Variants in GPD2 observed in about 807,000 individuals in gnomAD.
GPD2 encodes the protein glycerol-3-phosphate dehydrogenase 2.
A neutral mutation model predicts 82.4 loss-of-function variants in GPD2; 54 were observed. The ratio of observed to expected loss-of-function variants is 0.66; its 90% CI spans 0.53 to 0.82. GPD2 has a LOEUF of 0.82. Among genes scored for constraint, GPD2 ranks in the 40% least tolerant of loss-of-function variants. The pLI is 0.00. For synonymous variants in GPD2, 288 were observed against 306.1 expected (o/e 0.94, Z 0.62); for missense variants, 748 against 896.2 (o/e 0.83, Z 2.11).
chr2:156,404,978 A>T, the GPD2 span, among the ~76,000 whole-genome samples: 1 of 152,322 alleles, frequency 6.6e-6, no homozygotes, highest in South Asian at 2.1e-4. Context: ...GAATAAGGTA[A>T]ACTCTGTTGC....
chr2:156,582,092 GT>G (rs1233898479), intron 16 of GPD2, among the ~76,000 whole-genome samples: 3 of 151,980 alleles, frequency 2.0e-5, no homozygotes, highest in Non-Finnish European at 4.4e-5. Context: ...AGAGCAAATA[GT>G]TGAAACCACA....
At chr2:156,409,033 T>C in the GPD2 span, among the ~76,000 whole-genome samples, 16 of 152,252 alleles carry the variant, frequency 1.1e-4, 1 homozygote, top group South Asian at 3.1e-3. Context: ...CATCTGAAGA[T>C]GAAGGCCGTG....
chr2:156,423,909 T>C, the GPD2 span, among the ~76,000 whole-genome samples: 1 of 152,110 alleles, frequency 6.6e-6, no homozygotes, highest in African/African-American at 2.4e-5. Flanking sequence ...CGCTTTCCTA[T>C]CTCCCCAGTG....
chr2:156,467,082 T>C (rs1456084016), intron 1 of GPD2, among the ~76,000 whole-genome samples: 1 of 152,222 alleles, frequency 6.6e-6, no homozygotes, highest in African/African-American at 2.4e-5. Context: ...TTTCTTTCGC[T>C]TTCTCTTTGT....
At chr2:156,424,216 A>G in the GPD2 span, among the ~76,000 whole-genome samples, 1 of 147,980 alleles carries the variant, frequency 6.8e-6, no homozygotes, top group Non-Finnish European at 1.5e-5. Context: ...AAAAAAAAAC[A>G]CTATAAACCT....
Position 156,586,314 on chromosome 2 carries a change from T to G in GPD2, c.*3396T>G, listed in dbSNP as rs1688212858. On this transcript the variant is annotated 3_prime_UTR_variant, in exon 17 of 17. Coordinates refer to ENST00000438166, the MANE Select transcript of GPD2 (RefSeq NM_000408.5). ...AATTTTATAAGACTGCCAGAATTAT[T>G]TGTATTAATTTGTTGCTGTAGCCTT... 1 of 152,198 alleles carries G rather than the reference T, an allele frequency of 6.6e-6. No homozygotes were observed. Among genetic ancestry groups the G allele is most frequent in the East Asian group, 1.9e-4 (1 of 5,180 alleles). 9.4% of individuals were successfully genotyped at this position (152,198 alleles called of 1,614,324 possible).
chr2:156,457,027 C>T (rs1682811140), intron 1 of GPD2, among the ~76,000 whole-genome samples: 1 of 152,044 alleles, frequency 6.6e-6, no homozygotes, highest in Non-Finnish European at 1.5e-5. Flanking sequence ...ATTAGGGTAT[C>T]ATTCTAGAAG....
intron 6 of GPD2, among the ~76,000 whole-genome samples, chr2:156,520,793 C>A (rs987559088): frequency 6.6e-6 from 1 of 151,878 alleles, no homozygotes; most frequent in Non-Finnish European, 1.5e-5. Context: ...ACCATGTTGC[C>A]CAGGGTGGTT....
chr2:156,530,826 G>C (rs1025300759), intron 6 of GPD2, among the ~76,000 whole-genome samples: 1 of 152,012 alleles, frequency 6.6e-6, no homozygotes. Flanking sequence ...TGCTGGATTC[G>C]GTTTTTTAAA....
At chr2:156,401,925 T>TGG in the GPD2 span, among the ~76,000 whole-genome samples, 1 of 152,034 alleles carries the variant, frequency 6.6e-6, no homozygotes, top group Admixed American at 6.6e-5. Context: ...TAAAAGGCTG[T>TGG]GGATATAGGC....
At chr2:156,497,292 C>T (rs1684421789) in intron 3 of GPD2, among the ~76,000 whole-genome samples, 1 of 152,144 alleles carries the variant, frequency 6.6e-6, no homozygotes, top group African/African-American at 2.4e-5. Flanking sequence ...TAGAACGGTG[C>T]TTGTCACACA....
intron 2 of GPD2, among the ~76,000 whole-genome samples, chr2:156,490,167 C>A (rs578115045): frequency 1.3e-5 from 2 of 152,050 alleles, no homozygotes; most frequent in Non-Finnish European, 2.9e-5. Flanking sequence ...TGTGTTGTTA[C>A]CTGTTTTATT....
At chr2:156,448,544 A>G (rs1374398782) in intron 1 of GPD2, among the ~76,000 whole-genome samples, 2 of 152,240 alleles carry the variant, frequency 1.3e-5, no homozygotes, top group African/African-American at 4.8e-5. Context: ...ACATGAGAAG[A>G]TAAGAGTTGT....
chr2:156,415,661 G>C, the GPD2 span, among the ~76,000 whole-genome samples: 1 of 151,914 alleles, frequency 6.6e-6, no homozygotes, highest in African/African-American at 2.4e-5. Flanking sequence ...TTTGAGACCA[G>C]CCTGACCAAC....
At chr2:156,469,221 G>A (rs999582122) in intron 1 of GPD2, among the ~76,000 whole-genome samples, 8 of 152,052 alleles carry the variant, frequency 5.3e-5, no homozygotes, top group Admixed American at 1.3e-4. Flanking sequence ...GTGCAGTGGC[G>A]TGATCTCAGC....
At chr2:156,439,533 A>G (rs1443298787) in intron 1 of GPD2, among the ~76,000 whole-genome samples, 1 of 114,818 alleles carries the variant, frequency 8.7e-6, no homozygotes, top group East Asian at 2.4e-4. Context: ...AAAAAAAAAA[A>G]AAAAAACAAA....
intron 3 of GPD2, among the ~76,000 whole-genome samples, chr2:156,496,783 ATCAG>A (rs1390332572): frequency 6.6e-6 from 1 of 152,140 alleles, no homozygotes; most frequent in African/African-American, 2.4e-5. Context: ...GAAATCACAT[ATCAG>A]TCAATGGTAG....
At chr2:156,403,638 C>T in the GPD2 span, among the ~76,000 whole-genome samples, 9 of 112,334 alleles carry the variant, frequency 8.0e-5, no homozygotes, top group East Asian at 2.7e-4. Context: ...TGTGTGTGTG[C>T]GCCTGCATGC....
intron 1 of GPD2, among the ~76,000 whole-genome samples, chr2:156,439,009 A>G (rs1682047636): frequency 6.6e-6 from 1 of 152,240 alleles, no homozygotes; most frequent in Non-Finnish European, 1.5e-5. Context: ...CACTTCAGTA[A>G]CAGAGAGACT....
Sources: allele counts gnomAD v4.1 joint callset (sites outside exome capture counted in the v4.1 genomes callset), GRCh38; gene constraint gnomAD v4.1.1; transcripts MANE v1.5; gene names NCBI Gene and HGNC (gene_info 2026-07-23, HGNC 2026-07-21).